MBP: variants seen among roughly 807,000 people sequenced by gnomAD.
MBP encodes myelin basic protein.
Under a neutral mutation model 35.8 loss-of-function variants are expected in MBP, and 16 were observed. The observed-to-expected ratio is 0.45, with a 90% CI of 0.30 to 0.68. MBP has a LOEUF of 0.68. MBP is among the 30% of genes least tolerant of loss of function. The pLI, the probability that MBP is intolerant of heterozygous loss-of-function variation, is 0.08. For synonymous variants in MBP, 143 were observed against 159.6 expected (o/e 0.90, Z 0.78); for missense variants, 380 against 404.7 (o/e 0.94, Z 0.52).
chr18:77,047,914 G>A (rs954777898), intron 3 of MBP, among the ~76,000 whole-genome samples: 7 of 152,092 alleles, frequency 4.6e-5, no homozygotes, highest in African/African-American at 1.7e-4. Context: ...ATCTTCAGAG[G>A]GAAATCCTGT....
Position 76,988,489 on chromosome 18 carries a change from A to G in MBP, c.750+6T>C. The G allele has an allele frequency of 6.2e-7, 1 of 1,614,206 alleles. No homozygotes were observed. Among genetic ancestry groups the G allele is most frequent in the Non-Finnish European group, 8.5e-7 (1 of 1,180,034 alleles). On this transcript the variant is annotated splice_donor_region_variant and intron_variant, in intron 7 of 8. Coordinates refer to ENST00000355994, the MANE Select transcript of MBP (RefSeq NM_001025101.2). The surrounding 1 kb of genome is among the most constrained non-coding windows in gnomAD (Gnocchi z 5.2). ...GGAAGCCGATGGAAGTGCGTTCGTC[A>G]CCTACCCAGCTAAATCTGCTCAGGG...
In MBP at chr18:77,037,043, T is replaced by C. The variant is rs1449390301; in HGVS notation, c.140-19775A>G. On this transcript the variant is annotated intron_variant, in intron 3 of 8. Transcript: ENST00000355994. Reference sequence around the variant, plus strand: ...ATTTTGGAGGACTGAGCTGAGTAAGTGCTGGTCACATTTTGGAGACAGAGC... The same window carrying C: ...ATTTTGGAGGACTGAGCTGAGTAAGCGCTGGTCACATTTTGGAGACAGAGC... Among the ~76,000 whole-genome samples, 4 of 142,414 alleles carry C rather than the reference T, an allele frequency of 2.8e-5. No homozygotes were observed. In the East Asian group the frequency reaches 8.6e-4, roughly 31 times the overall value. 93.4% of individuals were successfully genotyped at this position (142,414 alleles called of 152,430 possible). A position where few individuals can be genotyped will look rare whatever the true frequency, so the allele number is the denominator to read the frequency against.
At chr18:77,019,728 G>A (rs898614939) in intron 3 of MBP, among the ~76,000 whole-genome samples, 6 of 152,194 alleles carry the variant, frequency 3.9e-5, no homozygotes, top group South Asian at 2.1e-4. Flanking sequence ...AGGTCCTTGC[G>A]GAAATGACAG....
At chr18:77,015,550 A>G (rs1971579042) in intron 4 of MBP, 3 of 985,370 alleles carry the variant, frequency 3.0e-6, no homozygotes, top group South Asian at 4.7e-5. Context: ...TATGAATTCC[A>G]TTAGTATCTA....
intron 2 of MBP, among the ~76,000 whole-genome samples, chr18:77,087,009 A>G (rs535574333): frequency 4.2e-4 from 64 of 152,340 alleles, no homozygotes; most frequent in Non-Finnish European, 8.1e-4. Context: ...GTTACATTCA[A>G]TCTGTTTTAT....
chr18:77,108,024 C>A (rs1976334114), intron 1 of MBP, among the ~76,000 whole-genome samples: 1 of 152,152 alleles, frequency 6.6e-6, no homozygotes, highest in African/African-American at 2.4e-5. Flanking sequence ...TGGAAATGGC[C>A]CCTGAGCACC....
In MBP at chr18:76,988,453, G is replaced by A; in HGVS notation, c.750+42C>T. On this transcript the variant is annotated intron_variant, in intron 7 of 8. Transcript: ENST00000355994. This position sits in a 1 kb window ranked among gnomAD's most constrained non-coding sequence, Gnocchi z 5.2. Reference sequence around the variant, plus strand: ...CAAAAGTTGCGGGGCTGTGAGGACTGGGACGGAAGAGGAAGCCGATGGAAG... The same window carrying A: ...CAAAAGTTGCGGGGCTGTGAGGACTAGGACGGAAGAGGAAGCCGATGGAAG... 6.2e-7 allele frequency: 1 copy of A among 1,614,224 alleles called. No homozygotes were observed. The highest frequency in any genetic ancestry group is 1.7e-5 in the Admixed American group (1 of 60,030).
chr18:76,984,988 G>T, intron 7 of MBP, 94 bp from the exon 8 acceptor site: 3 of 1,570,306 alleles, frequency 1.9e-6, no homozygotes, highest in Non-Finnish European at 2.6e-6. Flanking sequence ...CCGGGGAAGG[G>T]CCCAGGCCCC....
At chr18:77,069,255 T>C (rs1421980537) in intron 2 of MBP, among the ~76,000 whole-genome samples, 1 of 152,198 alleles carries the variant, frequency 6.6e-6, no homozygotes, top group Non-Finnish European at 1.5e-5. Context: ...TAGCTGGCTA[T>C]GTACACTTTT....
chr18:77,028,592 C>T (rs1419001070), intron 3 of MBP, among the ~76,000 whole-genome samples: 3 of 81,298 alleles, frequency 3.7e-5, no homozygotes, highest in African/African-American at 1.1e-4. Flanking sequence ...CCTCACCTCC[C>T]GGACGGGGCG....
At chr18:77,092,492 G>A (rs547591958) in intron 2 of MBP, among the ~76,000 whole-genome samples, 1 of 152,190 alleles carries the variant, frequency 6.6e-6, no homozygotes, top group Non-Finnish European at 1.5e-5. Context: ...CCCCAGACTC[G>A]AGAATTCGTC....
chr18:76,981,027 T>C (rs902629032), intron 8 of MBP: 2 of 156,044 alleles, frequency 1.3e-5, no homozygotes, highest in Admixed American at 1.2e-4. Flanking sequence ...AAACTTTGAC[T>C]TGAAGGGGTC....
At chr18:77,110,920 G>C (rs1215886904) in intron 1 of MBP, among the ~76,000 whole-genome samples, 1 of 152,108 alleles carries the variant, frequency 6.6e-6, no homozygotes, top group East Asian at 1.9e-4. Flanking sequence ...CACCATGAAG[G>C]CATCTTTTTC....
At chr18:77,095,045 T>A (rs752924529) in intron 2 of MBP, among the ~76,000 whole-genome samples, 2 of 152,204 alleles carry the variant, frequency 1.3e-5, no homozygotes, top group Non-Finnish European at 2.9e-5. Flanking sequence ...GTGTGGCCAT[T>A]TTAATGCACT....
chr18:76,994,568 A>T (rs1168421483), intron 4 of MBP, among the ~76,000 whole-genome samples: 1 of 152,190 alleles, frequency 6.6e-6, no homozygotes, highest in Non-Finnish European at 1.5e-5. Context: ...GATAAAAGAA[A>T]AATGATATAT....
Position 77,080,010 on chromosome 18 carries a change from T to G in MBP, c.52-13625A>C, listed in dbSNP as rs536530384. 3.9e-5 allele frequency among the ~76,000 whole-genome samples: 6 copies of G among 152,332 alleles called. No individual in the cohort carries two copies. In the East Asian group the frequency reaches 1.2e-3, roughly 29 times the overall value. On this transcript the variant is annotated intron_variant, in intron 2 of 8. Transcript: ENST00000355994. ...TATGTGGATGGAAAAAAACGCATGTTTTTTAAACCTAAATCTGGTGATAAA... is the reference window on the plus strand; with the variant it reads ...TATGTGGATGGAAAAAAACGCATGTGTTTTAAACCTAAATCTGGTGATAAA...
Position 76,988,837 on chromosome 18 carries a change from C to T in MBP, c.717+40G>A, listed in dbSNP as rs759594206. 5.0e-6 allele frequency: 8 copies of T among 1,591,806 alleles called. No homozygotes were observed. The African/African-American group carries it at 1.1e-4, about 21-fold the overall frequency. On this transcript the variant is annotated intron_variant, in intron 6 of 8. Transcript: ENST00000355994. The surrounding 1 kb of genome is among the most constrained non-coding windows in gnomAD (Gnocchi z 5.2). ...TTATGGGATTTTAGAGAAGGTCTAT[C>T]AGAAAAGTGATGATCAATCAAAACA...
intron 4 of MBP, among the ~76,000 whole-genome samples, chr18:77,000,362 A>G (rs1057424087): frequency 6.6e-6 from 1 of 152,152 alleles, no homozygotes; most frequent in African/African-American, 2.4e-5. Flanking sequence ...TCTTCATCTG[A>G]GTTTTCTTGT....
intron 4 of MBP, chr18:77,014,407 T>C (rs1046569470): frequency 1.1e-5 from 11 of 985,262 alleles, no homozygotes; most frequent in Middle Eastern, 5.2e-4. Flanking sequence ...AAAACCTCGT[T>C]CTAGATAGGG....
Sources: gnomAD v4.1 joint callset for allele counts (sites outside exome capture counted in the v4.1 genomes callset) on GRCh38, gnomAD v4.1.1 for gene constraint, Gnocchi (gnomAD v3.1) non-coding constraint, MANE v1.5 for transcripts, NCBI Gene and HGNC (gene_info 2026-07-23, HGNC 2026-07-21) for gene names.